Variants in CNTN4 observed in about 807,000 individuals in gnomAD.
CNTN4 encodes the protein contactin-4.
CNTN4 carries 77 observed loss-of-function variants against 122.5 expected under a neutral mutation model. The ratio of observed to expected loss-of-function variants is 0.63; its 90% confidence interval spans 0.52 to 0.76. The LOEUF (loss-of-function observed/expected upper bound fraction) is 0.76, where lower values mean the gene tolerates loss of function less well. Among genes scored for constraint, CNTN4 ranks in the 30% least tolerant of loss-of-function variants. CNTN4 has a pLI of 0.00. For missense variants in CNTN4, 1,256 were observed against 1,259.1 expected (o/e 1.00, Z 0.04); for synonymous variants, 512 against 447.0 (o/e 1.15, Z -1.83).
chr3:2,789,093 C>G (rs2091927550), intron 6 of CNTN4, among the ~76,000 whole-genome samples: 1 of 152,052 alleles, frequency 6.6e-6, no homozygotes, highest in South Asian at 2.1e-4. Context: ...ATGCTGCATT[C>G]AGTCTTAATG....
At chr3:2,240,169 T>C (rs75516095) in intron 2 of CNTN4, among the ~76,000 whole-genome samples, 15,184 of 152,268 alleles carry the variant, frequency 0.1, 901 homozygotes, top group Middle Eastern at 0.16. Context: ...TTAGTCTAGA[T>C]AGTAAGTCCT....
intron 7 of CNTN4, among the ~76,000 whole-genome samples, chr3:2,849,736 C>G (rs1391045338): frequency 6.6e-6 from 1 of 152,134 alleles, no homozygotes; most frequent in African/African-American, 2.4e-5. Flanking sequence ...AAGGGTTCAG[C>G]CAGAATTCAC....
At chr3:2,868,733 C>T (rs1190883820) in intron 8 of CNTN4, among the ~76,000 whole-genome samples, 3 of 152,146 alleles carry the variant, frequency 2.0e-5, no homozygotes, top group Non-Finnish European at 2.9e-5. Flanking sequence ...GAGGCTCTTG[C>T]ATTCTCCTGG....
chr3:2,362,450 C>T, intron 3 of CNTN4: 1 of 419,102 alleles, frequency 2.4e-6, no homozygotes, highest in Non-Finnish European at 4.7e-6. Context: ...CGCCTCCCAG[C>T]CTACATCCTA....
intron 6 of CNTN4, among the ~76,000 whole-genome samples, chr3:2,768,976 C>A (rs950734513): frequency 6.6e-6 from 1 of 152,124 alleles, no homozygotes; most frequent in African/African-American, 2.4e-5. Context: ...GTCTTGAAGT[C>A]TTTTCATTGT....
intron 23 of CNTN4, among the ~76,000 whole-genome samples, chr3:3,048,565 TG>T (rs1330819001): frequency 6.6e-6 from 1 of 151,862 alleles, no homozygotes; most frequent in East Asian, 1.9e-4. Flanking sequence ...TGTGTATGTG[TG>T]GTACCTCCCG....
At chr3:2,624,212 G>A (rs2082095629) in intron 4 of CNTN4, among the ~76,000 whole-genome samples, 1 of 152,104 alleles carries the variant, frequency 6.6e-6, no homozygotes, top group Non-Finnish European at 1.5e-5. Flanking sequence ...TTATGCACTA[G>A]AAAATACTAT....
chr3:3,039,929 A>G (rs1426569019), intron 19 of CNTN4, 108 bp from the exon 20 acceptor site: 3 of 779,854 alleles, frequency 3.8e-6, no homozygotes, highest in Admixed American at 3.9e-5. Flanking sequence ...GCCAAATAAG[A>G]TGGGTGGAGA....
At chr3:2,273,927 A>T (rs1482946414) in intron 2 of CNTN4, among the ~76,000 whole-genome samples, 1 of 152,152 alleles carries the variant, frequency 6.6e-6, no homozygotes, top group Non-Finnish European at 1.5e-5. Flanking sequence ...CGCTTAATAG[A>T]GGTTAGCATT....
chr3:2,676,831 A>G (rs931656986), intron 4 of CNTN4, among the ~76,000 whole-genome samples: 43 of 152,322 alleles, frequency 2.8e-4, no homozygotes, highest in African/African-American at 9.1e-4. Context: ...TGGAGGGGAA[A>G]TTATTAGAGA....
intron 12 of CNTN4, among the ~76,000 whole-genome samples, chr3:2,924,592 T>C (rs1369629632): frequency 6.6e-6 from 1 of 152,240 alleles, no homozygotes; most frequent in Non-Finnish European, 1.5e-5. Flanking sequence ...AATACAAATA[T>C]GTATCTTTTG....
chr3:2,175,448 G>A (rs368096818), intron 2 of CNTN4, among the ~76,000 whole-genome samples: 1 of 152,178 alleles, frequency 6.6e-6, no homozygotes, highest in South Asian at 2.1e-4. Context: ...GTTATGACAT[G>A]CATTTCAAAT....
intron 12 of CNTN4, among the ~76,000 whole-genome samples, chr3:2,917,685 T>A (rs186448358): frequency 6.6e-6 from 1 of 152,222 alleles, no homozygotes; most frequent in Admixed American, 6.5e-5. Flanking sequence ...TTATTTGAGG[T>A]GCCACAGATC....
chr3:2,594,548 A>G (rs1468250744), intron 4 of CNTN4, among the ~76,000 whole-genome samples: 1 of 151,314 alleles, frequency 6.6e-6, no homozygotes, highest in Non-Finnish European at 1.5e-5. Context: ...CCTCCCGAGT[A>G]GCTGGGTTTA....
intron 2 of CNTN4, among the ~76,000 whole-genome samples, chr3:2,183,734 T>C (rs541382902): frequency 3.3e-5 from 5 of 152,282 alleles, no homozygotes; most frequent in African/African-American, 7.2e-5. Context: ...ACTGGAATAA[T>C]GGTTATGCAC....
At chr3:2,342,957 A>T (rs1370673853) in intron 3 of CNTN4, among the ~76,000 whole-genome samples, 3 of 152,180 alleles carry the variant, frequency 2.0e-5, no homozygotes, top group African/African-American at 7.2e-5. Flanking sequence ...GACTGCTACG[A>T]TTTCTTTTTG....
At chr3:3,034,906 G>T in intron 17 of CNTN4, 116 bp downstream of exon 17, 4 of 1,133,102 alleles carry the variant, frequency 3.5e-6, no homozygotes, top group Non-Finnish European at 5.3e-6. Context: ...ATATATTATG[G>T]CAGTGTTTCC....
chr3:3,018,680 T>C (rs1475118337), intron 14 of CNTN4, among the ~76,000 whole-genome samples: 2 of 152,190 alleles, frequency 1.3e-5, no homozygotes, highest in Non-Finnish European at 2.9e-5. Context: ...GATGTGTAGG[T>C]ATTATACATG....
At chr3:2,681,598 G>A (rs2600286) in intron 4 of CNTN4, among the ~76,000 whole-genome samples, 10,934 of 152,032 alleles carry the variant, frequency 0.072, 507 homozygotes, top group African/African-American at 0.13. Flanking sequence ...TACCTTTTCT[G>A]TATATGATGA....
Sources: allele counts gnomAD v4.1 joint callset (sites outside exome capture counted in the v4.1 genomes callset), GRCh38; gene constraint gnomAD v4.1.1; transcripts MANE v1.5; gene names NCBI Gene and HGNC (gene_info 2026-07-23, HGNC 2026-07-21).